Variants in EXOC6B observed in about 807,000 individuals in gnomAD.
EXOC6B encodes SEC15 homolog B.
A neutral mutation model predicts 113.5 loss-of-function variants in EXOC6B; 54 were observed. The ratio of observed to expected loss-of-function variants is 0.48; its 90% CI spans 0.38 to 0.60. The LOEUF is 0.60. EXOC6B is among the 20% of genes least tolerant of loss of function. The pLI is 0.00. For missense variants in EXOC6B, 797 were observed against 977.5 expected (o/e 0.82, Z 2.46); for synonymous variants, 357 against 339.0 (o/e 1.05, Z -0.58).
chr2:72,298,061 T>C (rs1443437567), intron 20 of EXOC6B, among the ~76,000 whole-genome samples: 1 of 152,208 alleles, frequency 6.6e-6, no homozygotes, highest in African/African-American at 2.4e-5. Context: ...TTCTGTCTCA[T>C]TGATCTGTCT....
intron 6 of EXOC6B, among the ~76,000 whole-genome samples, chr2:72,650,618 A>G (rs1402816798): frequency 1.3e-5 from 2 of 151,810 alleles, no homozygotes; most frequent in Non-Finnish European, 2.9e-5. Flanking sequence ...AAAAGAAAAA[A>G]AAAAGAAAAG....
intron 20 of EXOC6B, among the ~76,000 whole-genome samples, chr2:72,271,401 G>A (rs147878811): frequency 6.6e-6 from 1 of 152,106 alleles, no homozygotes; most frequent in Non-Finnish European, 1.5e-5. Context: ...AGGAGGCCTT[G>A]AGAGTCAAAG....
chr2:72,302,295 T>C (rs1179449382), intron 20 of EXOC6B, among the ~76,000 whole-genome samples: 1 of 152,222 alleles, frequency 6.6e-6, no homozygotes, highest in Non-Finnish European at 1.5e-5. Flanking sequence ...CATGTGGCAA[T>C]GAGAAGAATG....
At chr2:72,388,063 G>A (rs1045028631) in intron 18 of EXOC6B, among the ~76,000 whole-genome samples, 28 of 152,122 alleles carry the variant, frequency 1.8e-4, no homozygotes, top group African/African-American at 6.5e-4. Context: ...CTGGCAGGAG[G>A]TGGAAGGAGG....
At chr2:72,446,925 C>T (rs1490670589) in intron 18 of EXOC6B, among the ~76,000 whole-genome samples, 1 of 152,112 alleles carries the variant, frequency 6.6e-6, no homozygotes, top group Admixed American at 6.6e-5. Context: ...CATGATGAAA[C>T]CCTGTCTCTA....
At chr2:72,719,652 T>C (rs1679869101) in intron 5 of EXOC6B, among the ~76,000 whole-genome samples, 1 of 152,208 alleles carries the variant, frequency 6.6e-6, no homozygotes, top group African/African-American at 2.4e-5. Context: ...CTCACTCAAG[T>C]TTGTTTGAGC....
intron 6 of EXOC6B, among the ~76,000 whole-genome samples, chr2:72,619,864 C>G (rs1205972551): frequency 1.3e-5 from 2 of 152,196 alleles, no homozygotes. Flanking sequence ...GACAGGCTTT[C>G]AGATGACACA....
rs1277118936 is a variant in EXOC6B, at chr2:72,385,998, T to A, written c.1981-6128A>T. Among the ~76,000 whole-genome samples the A allele has an allele frequency of 2.0e-5, 3 of 152,106 alleles. No homozygotes were observed. In the East Asian group the frequency reaches 5.8e-4, roughly 29 times the overall value. On this transcript the variant is annotated intron_variant, in intron 18 of 21. Coordinates refer to ENST00000272427, the MANE Select transcript of EXOC6B (RefSeq NM_015189.3). ...ATAGTATTACTGTATGATCCAGCAA[T>A]CCTACTAATGAATATATACCCAAAG...
intron 1 of EXOC6B, among the ~76,000 whole-genome samples, chr2:72,812,410 T>C (rs577454986): frequency 9.9e-5 from 15 of 152,230 alleles, no homozygotes; most frequent in Non-Finnish European, 1.9e-4. Flanking sequence ...ATACAATATT[T>C]GTAGATTGGA....
At chr2:72,730,964 A>G in intron 5 of EXOC6B, 43 bp downstream of exon 5, 3 of 1,406,332 alleles carry the variant, frequency 2.1e-6, no homozygotes, top group Non-Finnish European at 2.9e-6. Flanking sequence ...AAACAACAGA[A>G]ATTTTAGATA....
intron 19 of EXOC6B, among the ~76,000 whole-genome samples, chr2:72,377,214 G>A (rs981709154): frequency 9.2e-5 from 14 of 152,026 alleles, no homozygotes; most frequent in African/African-American, 3.4e-4. Flanking sequence ...GTGTTGAAAA[G>A]GATGTGAAAA....
intron 20 of EXOC6B, among the ~76,000 whole-genome samples, chr2:72,300,548 G>A (rs182974902): frequency 4.9e-4 from 74 of 152,278 alleles, no homozygotes; most frequent in African/African-American, 1.8e-3. Flanking sequence ...TCTCGCTAGC[G>A]TTCCAGGTGC....
intron 1 of EXOC6B, among the ~76,000 whole-genome samples, chr2:72,805,238 T>TTTTTCTTTTTTA (rs1685518227): frequency 6.6e-6 from 1 of 152,206 alleles, no homozygotes; most frequent in Non-Finnish European, 1.5e-5. Context: ...ATGACACCTG[T>TTTTTCTTTTTTA]GATTTCTTTT....
At chr2:72,437,867 T>C (rs1695969699) in intron 18 of EXOC6B, among the ~76,000 whole-genome samples, 1 of 152,204 alleles carries the variant, frequency 6.6e-6, no homozygotes, top group African/African-American at 2.4e-5. Context: ...TAGCAATATA[T>C]TAAAATTATT....
At chr2:72,661,346 C>A in intron 6 of EXOC6B, among the ~76,000 whole-genome samples, 1 of 142,058 alleles carries the variant, frequency 7.0e-6, no homozygotes, top group South Asian at 2.2e-4. Context: ...CGTAATTATC[C>A]ATGCTGAATA....
chr2:72,221,457 T>A (rs992661305), intron 20 of EXOC6B, among the ~76,000 whole-genome samples: 1 of 152,190 alleles, frequency 6.6e-6, no homozygotes, highest in Non-Finnish European at 1.5e-5. Flanking sequence ...CTGACTACAG[T>A]ATTTAACACT....
chr2:72,506,094 A>G (rs1700579942), intron 11 of EXOC6B, among the ~76,000 whole-genome samples: 1 of 152,078 alleles, frequency 6.6e-6, no homozygotes, highest in Admixed American at 6.5e-5. Context: ...TGCATTTACA[A>G]GTTCTTATAC....
At chr2:72,618,773 G>T (rs2104161682) in intron 6 of EXOC6B, among the ~76,000 whole-genome samples, 1 of 152,242 alleles carries the variant, frequency 6.6e-6, no homozygotes, top group African/African-American at 2.4e-5. Flanking sequence ...TTCTTAACCT[G>T]AAATTCTCAA....
chr2:72,417,256 C>T (rs574294870), intron 18 of EXOC6B, among the ~76,000 whole-genome samples: 6 of 152,226 alleles, frequency 3.9e-5, no homozygotes, highest in African/African-American at 7.2e-5. Context: ...TGCAATGGCG[C>T]GACCTCTTCT....
Sources: gnomAD v4.1 joint callset for allele counts (sites outside exome capture counted in the v4.1 genomes callset) on GRCh38, gnomAD v4.1.1 for gene constraint, MANE v1.5 for transcripts, NCBI Gene and HGNC (gene_info 2026-07-23, HGNC 2026-07-21) for gene names.